Variants in FGF14 observed in about 807,000 individuals in gnomAD.
FGF14 encodes the protein fibroblast growth factor homologous factor 4.
A neutral mutation model predicts 25.5 loss-of-function variants in FGF14; 5 were observed. The ratio of observed to expected loss-of-function variants is 0.20; its 90% CI spans 0.10 to 0.41. The LOEUF (loss-of-function observed/expected upper bound fraction) is 0.41. FGF14 is among the 10% of genes least tolerant of loss of function. The probability of loss-of-function intolerance (pLI) is 1.00; values close to 1 mark genes in which losing one functional copy is unlikely to be tolerated. For synonymous variants in FGF14, 138 were observed against 118.3 expected (o/e 1.17, Z -1.08); for missense variants, 222 against 320.1 (o/e 0.69, Z 2.34).
chr13:101,863,065 T>C (rs937928556), intron 3 of FGF14, among the ~76,000 whole-genome samples: 20 of 152,138 alleles, frequency 1.3e-4, no homozygotes, highest in Admixed American at 1.1e-3. Context: ...TGTGTATATA[T>C]ATCCCCAAAA....
chr13:102,181,882 A>T (rs1054923237), intron 1 of FGF14, among the ~76,000 whole-genome samples: 5 of 152,132 alleles, frequency 3.3e-5, no homozygotes, highest in African/African-American at 9.7e-5. Flanking sequence ...TGCCAACTGC[A>T]TCTGTGGAAG....
At chr13:102,375,688 G>C (rs2058023696) in intron 1 of FGF14, among the ~76,000 whole-genome samples, 1 of 152,058 alleles carries the variant, frequency 6.6e-6, no homozygotes, top group Non-Finnish European at 1.5e-5. Flanking sequence ...ATATTCATGA[G>C]AGTTTCTTTT....
intron 1 of FGF14, among the ~76,000 whole-genome samples, chr13:102,240,022 A>G (rs767177626): frequency 1.2e-4 from 18 of 152,208 alleles, no homozygotes; most frequent in Non-Finnish European, 1.6e-4. Flanking sequence ...AGGCACACTT[A>G]TAAAATGTGT....
chr13:102,160,782 G>A (rs1448352243), intron 1 of FGF14, among the ~76,000 whole-genome samples: 1 of 152,054 alleles, frequency 6.6e-6, no homozygotes, highest in Non-Finnish European at 1.5e-5. Context: ...AAGACTGAAT[G>A]CTCACGGTTG....
intron 3 of FGF14, among the ~76,000 whole-genome samples, chr13:101,778,028 T>TA: frequency 6.6e-6 from 1 of 152,308 alleles, no homozygotes; most frequent in Admixed American, 6.5e-5. Context: ...GAAACTGTGA[T>TA]AAAACATATG....
At chr13:101,794,663 G>A (rs1200809846) in intron 3 of FGF14, among the ~76,000 whole-genome samples, 1 of 152,004 alleles carries the variant, frequency 6.6e-6, no homozygotes, top group East Asian at 1.9e-4. Flanking sequence ...ACAAAAATGT[G>A]TCCCTGAAAC....
intron 3 of FGF14, among the ~76,000 whole-genome samples, chr13:101,771,441 A>T (rs1452687414): frequency 6.6e-6 from 1 of 152,148 alleles, no homozygotes; most frequent in Non-Finnish European, 1.5e-5. Flanking sequence ...GGATTAAAGC[A>T]TTAGTAGATT....
At chr13:102,389,134 C>T (rs1258443576) in intron 1 of FGF14, among the ~76,000 whole-genome samples, 3 of 152,088 alleles carry the variant, frequency 2.0e-5, no homozygotes, top group African/African-American at 4.8e-5. Flanking sequence ...CCCTTTCATC[C>T]TCGATGAGTT....
At position 101,721,751 on chromosome 13, in the gene FGF14, G is replaced by T. The variant is rs2035005145; in HGVS notation, c.*1080C>A. 6.6e-6 allele frequency: 1 copy of T among 152,094 alleles called. No individual in the cohort carries two copies. The highest frequency in any genetic ancestry group is 2.4e-5 in the African/African-American group (1 of 41,430). 9.4% of individuals were successfully genotyped at this position (152,094 alleles called of 1,614,324 possible). A position where few individuals can be genotyped will look rare whatever the true frequency, so the allele number is the denominator to read the frequency against. ...CTCTGCTGAGTATGAGGGGAACGCAGCCAGAAACGGGGATGGCGTTAAGTT... is the reference window on the plus strand; with the variant it reads ...CTCTGCTGAGTATGAGGGGAACGCATCCAGAAACGGGGATGGCGTTAAGTT... On this transcript the variant is annotated 3_prime_UTR_variant, in exon 5 of 5. Transcript: ENST00000376143.
chr13:101,912,125 T>C (rs1448333360), intron 1 of FGF14, among the ~76,000 whole-genome samples: 6 of 152,112 alleles, frequency 3.9e-5, no homozygotes, highest in Non-Finnish European at 8.8e-5. Context: ...CTGATGGATT[T>C]CACTATCACA....
chr13:101,753,848 G>C (rs934800259), intron 3 of FGF14, among the ~76,000 whole-genome samples: 21 of 151,662 alleles, frequency 1.4e-4, no homozygotes, highest in Admixed American at 1.3e-4. Context: ...CAGTGTAGGA[G>C]AGTTTCTGGT....
chr13:102,311,209 T>C (rs1381830981), intron 1 of FGF14, among the ~76,000 whole-genome samples: 2 of 152,104 alleles, frequency 1.3e-5, no homozygotes, highest in African/African-American at 2.4e-5. Flanking sequence ...ATGCATTCCT[T>C]AGGGAGAACA....
intron 1 of FGF14, among the ~76,000 whole-genome samples, chr13:101,911,328 G>A (rs1235735588): frequency 1.3e-5 from 2 of 152,068 alleles, no homozygotes; most frequent in African/African-American, 4.8e-5. Context: ...CTGAAATCTT[G>A]TTAGGAAAGG....
chr13:101,806,201 C>G (rs940895726), intron 3 of FGF14, among the ~76,000 whole-genome samples: 9 of 151,832 alleles, frequency 5.9e-5, no homozygotes, highest in Admixed American at 3.9e-4. Context: ...GTGGGTGGAT[C>G]ACAAGGTCAG....
intron 3 of FGF14, among the ~76,000 whole-genome samples, chr13:101,856,002 A>G (rs1393913907): frequency 6.6e-6 from 1 of 151,668 alleles, no homozygotes; most frequent in African/African-American, 2.4e-5. Context: ...TTTTAAATTA[A>G]ATAAAGTCTC....
chr13:102,380,419 C>T (rs570025053), intron 1 of FGF14, among the ~76,000 whole-genome samples: 2 of 152,104 alleles, frequency 1.3e-5, no homozygotes, highest in Non-Finnish European at 2.9e-5. Flanking sequence ...CATGAAGTCC[C>T]TTTTGCTATC....
intron 3 of FGF14, among the ~76,000 whole-genome samples, chr13:101,790,226 C>G (rs2040155727): frequency 6.6e-6 from 1 of 151,606 alleles, no homozygotes; most frequent in Admixed American, 6.6e-5. Context: ...TTTATCCACT[C>G]TACCTTTTTT....
At chr13:101,785,499 G>A (rs971612857) in intron 3 of FGF14, among the ~76,000 whole-genome samples, 5 of 152,038 alleles carry the variant, frequency 3.3e-5, no homozygotes, top group African/African-American at 1.2e-4. Context: ...CTTGATGTAT[G>A]TAGGGTTTGC....
intron 1 of FGF14, among the ~76,000 whole-genome samples, chr13:102,106,678 C>T (rs537240134): frequency 6.6e-6 from 1 of 151,768 alleles, no homozygotes; most frequent in Non-Finnish European, 1.5e-5. Context: ...GCCTTTACCC[C>T]CAAAGGACAT....
Sources: gnomAD v4.1 joint callset for allele counts (sites outside exome capture counted in the v4.1 genomes callset) on GRCh38, gnomAD v4.1.1 for gene constraint, MANE v1.5 for transcripts, NCBI Gene and HGNC (gene_info 2026-07-23, HGNC 2026-07-21) for gene names.